Variants in SLC9A1 observed in about 807,000 individuals in gnomAD.
SLC9A1 encodes the protein sodium/hydrogen exchanger 1.
In SLC9A1, 22 loss-of-function variants were observed where a neutral mutation model predicts 67.9. The ratio of observed to expected loss-of-function variants is 0.32; its 90% CI spans 0.23 to 0.46. The LOEUF (loss-of-function observed/expected upper bound fraction) is 0.46, where lower values mean the gene tolerates loss of function less well. Among genes scored for constraint, SLC9A1 ranks in the 20% least tolerant of loss-of-function variants. The pLI is 1.00. For missense variants in SLC9A1, 686 were observed against 1,094.8 expected (o/e 0.63, Z 5.27); for synonymous variants, 421 against 471.8 (o/e 0.89, Z 1.40).
chr1:27,108,664 C>T (rs1024625380), intron 3 of SLC9A1, among the ~76,000 whole-genome samples: 13 of 151,884 alleles, frequency 8.6e-5, no homozygotes, highest in African/African-American at 2.4e-4. Flanking sequence ...AGTGGGACCC[C>T]GTCTCAAATA....
Position 27,109,544 on chromosome 1 carries a change from G to A in SLC9A1, c.1047C>T (p.His349=), listed in dbSNP as rs931605319. 4 of 1,613,708 alleles carry A rather than the reference G, an allele frequency of 2.5e-6. No individual in the cohort carries two copies. Among genetic ancestry groups the A allele is most frequent in the Non-Finnish European group, 3.4e-6 (4 of 1,179,984 alleles). Residue 349 remains histidine (H), a synonymous_variant, in exon 3 of 12, where the codon CAC becomes CAT. Coordinates refer to ENST00000263980, the MANE Select transcript of SLC9A1 (RefSeq NM_003047.5). This position sits in a 1 kb window ranked among gnomAD's most constrained non-coding sequence, Gnocchi z 5.5. ...AGACTCACGCCATGATGCCTGACAGGTGGAAGAGCTCGGCTGACAAGTAGG... is the reference window on the plus strand; with the variant it reads ...AGACTCACGCCATGATGCCTGACAGATGGAAGAGCTCGGCTGACAAGTAGG... ...YMAYLSAELF[H]LSGIMALIAS... is the part of the protein sequence containing the mutation.
chr1:27,127,147 C>T (rs1314791099), intron 1 of SLC9A1, among the ~76,000 whole-genome samples: 1 of 152,062 alleles, frequency 6.6e-6, no homozygotes, highest in Non-Finnish European at 1.5e-5. Flanking sequence ...ACTACAGGCG[C>T]GTGCCACCAT....
At chr1:27,110,075 G>C (rs913345906) in intron 2 of SLC9A1, among the ~76,000 whole-genome samples, 1 of 152,214 alleles carries the variant, frequency 6.6e-6, no homozygotes, top group African/African-American at 2.4e-5. Context: ...CCTGAGTTGT[G>C]TACAGGAAGC....
intron 1 of SLC9A1, among the ~76,000 whole-genome samples, chr1:27,130,643 G>A (rs976402821): frequency 4.6e-5 from 7 of 152,216 alleles, no homozygotes; most frequent in African/African-American, 1.2e-4. Context: ...GAATTACTAC[G>A]AAGCCCTGTG....
Position 27,114,212 on chromosome 1 carries a change from C to T in SLC9A1, c.427G>A (p.Gly143Arg). Residue 143 changes from glycine to arginine, a missense_variant, in exon 2 of 12, where the codon GGG becomes AGG. Coordinates refer to ENST00000263980, the MANE Select transcript of SLC9A1 (RefSeq NM_003047.5). The surrounding 1 kb of genome is among the most constrained non-coding windows in gnomAD (Gnocchi z 5.4). ...CLLIVVGLLV[G>R]GLIKGVGETP... ...TCGCCTACACCCTTGATCAGGCCCC[C>T]CACCAGCAGCCCCACCACGATCAGC... 6.2e-7 allele frequency: 1 copy of T among 1,614,110 alleles called. No homozygotes were observed. Among genetic ancestry groups the T allele is most frequent in the Non-Finnish European group, 8.5e-7 (1 of 1,179,986 alleles).
intron 1 of SLC9A1, 120 bp downstream of exon 1, chr1:27,153,863 C>T: frequency 1.5e-6 from 1 of 666,370 alleles, no homozygotes; most frequent in East Asian, 2.6e-5. Context: ...AGGATGGAGA[C>T]TGCCTACTTT....
At position 27,106,123 on chromosome 1, in the gene SLC9A1, C is replaced by A; in HGVS notation, c.1283-36G>T. The A allele has an allele frequency of 2.1e-6, 3 of 1,423,878 alleles. No individual in the cohort carries two copies. In the South Asian group the frequency reaches 3.5e-5, roughly 17 times the overall value. The allele number at this position is 1,423,878 out of a possible 1,614,324, so 88.2% of individuals were successfully genotyped here. On this transcript the variant is annotated intron_variant, in intron 4 of 11. Transcript: ENST00000263980. The surrounding 1 kb of genome is among the most constrained non-coding windows in gnomAD (Gnocchi z 4.3). ...AGGCAGGGGGTGATGAGGGTCAGGT[C>A]GGGCTGTCCCCAGTCCCTCCTGGAT...
chr1:27,132,660 T>C (rs1010413136), intron 1 of SLC9A1, among the ~76,000 whole-genome samples: 1 of 152,170 alleles, frequency 6.6e-6, no homozygotes, highest in African/African-American at 2.4e-5. Context: ...GGGTGCCTCC[T>C]ACAATTAGAG....
intron 1 of SLC9A1, among the ~76,000 whole-genome samples, chr1:27,115,517 A>C (rs1300676472): frequency 6.6e-6 from 1 of 152,090 alleles, no homozygotes; most frequent in Non-Finnish European, 1.5e-5. Context: ...TTTGCTCAAG[A>C]GGAAAGCTCT....
intron 1 of SLC9A1, among the ~76,000 whole-genome samples, chr1:27,138,163 C>A (rs997388493): frequency 6.6e-6 from 1 of 152,230 alleles, no homozygotes; most frequent in South Asian, 2.1e-4. Context: ...CCCAGGCCCA[C>A]GGGCCTGGCA....
rs529117655 is a variant in SLC9A1 at position 27,154,304 on chromosome 1, A to G, written c.31T>C (p.Ser11Pro). The part of the protein sequence containing the change: MVLRSGICGL[S>P]PHRIFPSLLV... Reference sequence around the variant, plus strand: ...AAGGAAGGGAAGATCCGATGTGGAGAGAGGCCACAGATGCCAGACCGCAGA... The same window carrying G: ...AAGGAAGGGAAGATCCGATGTGGAGGGAGGCCACAGATGCCAGACCGCAGA... The change falls in exon 1 of 12, where the codon TCT (serine) becomes CCT (proline). Residue 11 changes from serine (S) to proline (P), a missense_variant. Transcript: ENST00000263980. The G allele has an allele frequency of 7.5e-6, 12 of 1,603,274 alleles. No individual in the cohort carries two copies. In the African/African-American group the frequency reaches 1.5e-4, roughly 20 times the overall value.
At position 27,137,104 on chromosome 1, in the gene SLC9A1, T is replaced by C. The variant is rs2083425165; in HGVS notation, c.352+16879A>G. 6.6e-6 allele frequency among the ~76,000 whole-genome samples: 1 copy of C among 152,264 alleles called. No individual in the cohort carries two copies. Among genetic ancestry groups the C allele is most frequent in the Non-Finnish European group, 1.5e-5 (1 of 68,046 alleles). On this transcript the variant is annotated intron_variant, in intron 1 of 11. Transcript: ENST00000263980. The surrounding 1 kb of genome is among the most constrained non-coding windows in gnomAD (Gnocchi z 4.6). ...ACTTCAGCCTGCCTTGTGTTTTAGT[T>C]GTTTACATGTCTGTCTCCCACACAC...
chr1:27,155,024 C>T lies in SLC9A1; in HGVS notation c.-690G>A, dbSNP rs892874102. ...GGGCCAGCAGCAACACGCCCCTCCT[C>T]GCGGCCCTGGCGCGACGCGGCGCTC... On this transcript the variant is annotated 5_prime_UTR_variant, in exon 1 of 12. Transcript: ENST00000263980. The surrounding 1 kb of genome is among the most constrained non-coding windows in gnomAD (Gnocchi z 4.5). The T allele has an allele frequency of 2.0e-5, 3 of 152,406 alleles. No individual in the cohort carries two copies. The highest frequency in any genetic ancestry group is 2.9e-5 in the Non-Finnish European group (2 of 68,312). The allele number at this position is 152,406 out of a possible 1,614,324, so 9.4% of individuals were successfully genotyped here. A position where few individuals can be genotyped will look rare whatever the true frequency, so the allele number is the denominator to read the frequency against.
intron 1 of SLC9A1, among the ~76,000 whole-genome samples, chr1:27,149,937 T>C (rs2083515584): frequency 6.6e-6 from 1 of 152,210 alleles, no homozygotes; most frequent in Non-Finnish European, 1.5e-5. Context: ...GCCTTGGCAC[T>C]CCTAGAGACA....
At chr1:27,153,432 A>G (rs890596449) in intron 1 of SLC9A1, among the ~76,000 whole-genome samples, 6 of 152,312 alleles carry the variant, frequency 3.9e-5, no homozygotes, top group African/African-American at 1.4e-4. Flanking sequence ...GAGATGAAGG[A>G]AAGGTGGGAA....
rs1436187671 is a variant in SLC9A1, at chr1:27,098,981, GC to G, written c.*1325del. ...CATGGAGAGGAGGATGGACAGATGG[GC>G]CGAGGACCCATGGCCCAGTCCCCTG... On this transcript the variant is annotated 3_prime_UTR_variant, in exon 12 of 12. Coordinates refer to ENST00000263980, the MANE Select transcript of SLC9A1 (RefSeq NM_003047.5). The G allele has an allele frequency of 6.5e-6, 1 of 152,696 alleles. No homozygotes were observed. Among genetic ancestry groups the G allele is most frequent in the Non-Finnish European group, 1.5e-5 (1 of 68,104 alleles). The allele number at this position is 152,696 out of a possible 1,614,324, so 9.5% of individuals were successfully genotyped here.
rs531862793 is a variant in SLC9A1, at chr1:27,106,660, C to A, written c.1283-573G>T. Reference sequence around the variant, plus strand: ...AGATCCAGGGAGGAGGCGACTGAGGCACTGGGGTGAGGCATGTGGGGCACA... The same window carrying A: ...AGATCCAGGGAGGAGGCGACTGAGGAACTGGGGTGAGGCATGTGGGGCACA... On this transcript the variant is annotated intron_variant, in intron 4 of 11. Coordinates refer to ENST00000263980, the MANE Select transcript of SLC9A1 (RefSeq NM_003047.5). This position sits in a 1 kb window ranked among gnomAD's most constrained non-coding sequence, Gnocchi z 4.3. Among the ~76,000 whole-genome samples the A allele has an allele frequency of 5.9e-5, 9 of 152,158 alleles. No homozygotes were observed. In the South Asian group the frequency reaches 1.7e-3, roughly 28 times the overall value.
In SLC9A1 at chr1:27,100,011, C is replaced by G. The variant is rs2083128048; in HGVS notation, c.*296G>C. On this transcript the variant is annotated 3_prime_UTR_variant, in exon 12 of 12. Coordinates refer to ENST00000263980, the MANE Select transcript of SLC9A1 (RefSeq NM_003047.5). The surrounding 1 kb of genome is among the most constrained non-coding windows in gnomAD (Gnocchi z 5.6). ...GAGGATGAGGCAGAGGGAGGAGCCT[C>G]CGAGGCCCTAGTCCAGGTCCGGGAG... 1.3e-5 allele frequency: 5 copies of G among 377,194 alleles called. No individual in the cohort carries two copies. The highest frequency in any genetic ancestry group is 2.4e-5 in the Non-Finnish European group (5 of 210,840). The allele number at this position is 377,194 out of a possible 1,614,324, so 23.4% of individuals were successfully genotyped here. A position where few individuals can be genotyped will look rare whatever the true frequency, so the allele number is the denominator to read the frequency against.
chr1:27,101,676 T>C lies in SLC9A1; in HGVS notation c.2037+49A>G, dbSNP rs374410673. On this transcript the variant is annotated intron_variant, in intron 10 of 11. Transcript: ENST00000263980. This position sits in a 1 kb window ranked among gnomAD's most constrained non-coding sequence, Gnocchi z 4.9. ...ATTTCCTTAGAGGCTGTGGCGGAGCTTGGGCGAGTGGGGTGGGATACAGAT... is the reference window on the plus strand; with the variant it reads ...ATTTCCTTAGAGGCTGTGGCGGAGCCTGGGCGAGTGGGGTGGGATACAGAT... The C allele has an allele frequency of 2.0e-5, 27 of 1,347,742 alleles. No homozygotes were observed. Among genetic ancestry groups the C allele is most frequent in the Non-Finnish European group, 2.5e-5 (24 of 950,266 alleles). The allele number at this position is 1,347,742 out of a possible 1,614,324, so 83.5% of individuals were successfully genotyped here. A position where few individuals can be genotyped will look rare whatever the true frequency, so the allele number is the denominator to read the frequency against.
Sources: allele counts gnomAD v4.1 joint callset (sites outside exome capture counted in the v4.1 genomes callset), GRCh38; gene constraint gnomAD v4.1.1; non-coding constraint Gnocchi (gnomAD v3.1); transcripts MANE v1.5; gene names NCBI Gene and HGNC (gene_info 2026-07-23, HGNC 2026-07-21).